The following SULT1B1 variants were observed in gnomAD, a reference collection of about 807,000 sequenced individuals.
SULT1B1 encodes sulfotransferase family 1B member 1.
In SULT1B1, 28 loss-of-function variants were observed where a neutral mutation model predicts 34.6. The observed-to-expected ratio is 0.81, with a 90% CI of 0.60 to 1.11. The LOEUF is 1.11. Among genes scored for constraint, SULT1B1 ranks in the 50% least tolerant of loss-of-function variants. SULT1B1 has a pLI of 0.00. For missense variants in SULT1B1, 374 were observed against 352.2 expected, an observed-to-expected ratio of 1.06 and a Z score of -0.50; for synonymous variants, 147 against 110.2, an observed-to-expected ratio of 1.33 and a Z score of -2.09.
In SULT1B1 at chr4:69,725,981, C is replaced by T. The variant is rs1417539535; in HGVS notation, c.*1107G>A. On this transcript the variant is annotated 3_prime_UTR_variant, in exon 8 of 8. Coordinates refer to ENST00000310613, the MANE Select transcript of SULT1B1 (RefSeq NM_014465.4). ...GCACATGTATGCATATATAACAAAC[C>T]TGCACATTGTGCACATGTAACCTGG... The T allele has an allele frequency of 1.5e-5, 2 of 133,312 alleles. No homozygotes were observed. The highest frequency in any genetic ancestry group is 3.1e-5 in the Non-Finnish European group (2 of 63,672). 8.3% of individuals were successfully genotyped at this position (133,312 alleles called of 1,614,324 possible).
At position 69,726,214 on chromosome 4, in the gene SULT1B1, G is replaced by T. The variant is rs1485735827; in HGVS notation, c.*874C>A. ...GAGAGTCTTCCTTGGGCACCAGATT[G>T]GGAAATATTTTGCAGAGGTTATGAT... On this transcript the variant is annotated 3_prime_UTR_variant, in exon 8 of 8. Transcript: ENST00000310613. 6.6e-6 allele frequency: 1 copy of T among 150,652 alleles called. No individual in the cohort carries two copies. Among genetic ancestry groups the T allele is most frequent in the African/African-American group, 2.4e-5 (1 of 40,986 alleles). The allele number at this position is 150,652 out of a possible 1,614,324, so 9.3% of individuals were successfully genotyped here.
intron 7 of SULT1B1, among the ~76,000 whole-genome samples, chr4:69,728,037 A>G (rs553659875): frequency 3.9e-5 from 6 of 152,158 alleles, no homozygotes; most frequent in African/African-American, 1.4e-4. Flanking sequence ...TCCTATAGAT[A>G]TGCTTTTTTC....
At chr4:69,728,424 G>A (rs1420997925) in intron 7 of SULT1B1, among the ~76,000 whole-genome samples, 1 of 152,002 alleles carries the variant, frequency 6.6e-6, no homozygotes, top group Non-Finnish European at 1.5e-5. Flanking sequence ...AAGATTCAGT[G>A]TGCCTGGCAC....
chr4:69,746,162 G>A (rs753493622), intron 4 of SULT1B1, among the ~76,000 whole-genome samples: 5 of 152,240 alleles, frequency 3.3e-5, no homozygotes, highest in Admixed American at 2.0e-4. Flanking sequence ...TGACCTCGGC[G>A]ATCCTCTTTC....
At chr4:69,757,859 C>A (rs1336053384) in intron 1 of SULT1B1, among the ~76,000 whole-genome samples, 1 of 151,986 alleles carries the variant, frequency 6.6e-6, no homozygotes, top group Non-Finnish European at 1.5e-5. Context: ...AATGGAGTTG[C>A]AGGCCTCAAA....
At chr4:69,754,262 C>T (rs539966318) in intron 3 of SULT1B1, among the ~76,000 whole-genome samples, 42 of 152,174 alleles carry the variant, frequency 2.8e-4, no homozygotes, top group African/African-American at 9.4e-4. Context: ...TAATTCTTTA[C>T]AAGCATTCCA....
At position 69,725,766 on chromosome 4, in the gene SULT1B1, C is replaced by G. The variant is rs1717810683; in HGVS notation, c.*1322G>C. 6.6e-6 allele frequency: 1 copy of G among 151,250 alleles called. No homozygotes were observed. Among genetic ancestry groups the G allele is most frequent in the Admixed American group, 6.6e-5 (1 of 15,132 alleles). The allele number at this position is 151,250 out of a possible 1,614,324, so 9.4% of individuals were successfully genotyped here. A position where few individuals can be genotyped will look rare whatever the true frequency, so the allele number is the denominator to read the frequency against. ...AACCATACTTTTCAGCAAACTATTG[C>G]AAGAACAAAAAAACCAAACACCTCA... On this transcript the variant is annotated 3_prime_UTR_variant, in exon 8 of 8. Transcript: ENST00000310613.
At chr4:69,756,980 G>GACAC (rs371631388) in intron 1 of SULT1B1, among the ~76,000 whole-genome samples, 11 of 116,380 alleles carry the variant, frequency 9.5e-5, no homozygotes, top group Non-Finnish European at 1.4e-4. Context: ...CACACACACA[G>GACAC]ACACACACAC....
intron 3 of SULT1B1, 24 bp downstream of exon 3, chr4:69,754,646 T>G: frequency 1.2e-6 from 2 of 1,606,592 alleles, no homozygotes; most frequent in Non-Finnish European, 1.7e-6. Flanking sequence ...TACAAAATAA[T>G]AATTCCAAGT....
chr4:69,734,655 A>C (rs1718227427), intron 4 of SULT1B1, among the ~76,000 whole-genome samples: 1 of 152,162 alleles, frequency 6.6e-6, no homozygotes, highest in African/African-American at 2.4e-5. Flanking sequence ...GAAAAAAATA[A>C]AAGTTTTCAC....
In SULT1B1 at chr4:69,758,015, T is replaced by C. The variant is rs536523065; in HGVS notation, c.-45+2444A>G. On this transcript the variant is annotated intron_variant, in intron 1 of 7. Transcript: ENST00000310613. ...TTAGGAAAATTATATTCAATATTTA[T>C]CTTCTATATGCTTCTCAGTTATCCT... 1.1e-4 allele frequency among the ~76,000 whole-genome samples: 16 copies of C among 152,334 alleles called. 1 individual carries two copies. The highest frequency in any genetic ancestry group is 4.6e-4 in the Admixed American group (7 of 15,298).
chr4:69,751,049 T>C (rs1278227663), intron 3 of SULT1B1, among the ~76,000 whole-genome samples: 1 of 152,260 alleles, frequency 6.6e-6, no homozygotes, highest in Non-Finnish European at 1.5e-5. Context: ...AATGGTTATT[T>C]ATCTGAATTT....
chr4:69,740,974 G>A lies in SULT1B1; in HGVS notation c.376-6710C>T, dbSNP rs183902341. Among the ~76,000 whole-genome samples, 135 of 152,034 alleles carry A rather than the reference G, an allele frequency of 8.9e-4. 1 individual carries two copies. Among genetic ancestry groups the A allele is most frequent in the African/African-American group, 3.0e-3 (124 of 41,470 alleles). ...TGAAACCTTTTTCAAAGCCTATATC[G>A]AGAATGATATTTTCTAAGTTTTCTT... On this transcript the variant is annotated intron_variant, in intron 4 of 7. Coordinates refer to ENST00000310613, the MANE Select transcript of SULT1B1 (RefSeq NM_014465.4).
chr4:69,727,464 T>C (rs1191954539), intron 7 of SULT1B1, among the ~76,000 whole-genome samples: 15 of 152,040 alleles, frequency 9.9e-5, no homozygotes, highest in African/African-American at 3.6e-4. Flanking sequence ...TTTTCTTGTT[T>C]AAATTCCTGG....
At position 69,733,524 on chromosome 4, in the gene SULT1B1, G is replaced by T; in HGVS notation, c.503-17C>A. On this transcript the variant is annotated splice_polypyrimidine_tract_variant and intron_variant, in intron 5 of 7. Coordinates refer to ENST00000310613, the MANE Select transcript of SULT1B1 (RefSeq NM_014465.4). ...CATAGGCCACTAAAACCAGATAAAA[G>T]TCTATTTTCATAAACATTCATCAAA... The T allele has an allele frequency of 6.5e-7, 1 of 1,530,982 alleles. No homozygotes were observed. Among genetic ancestry groups the T allele is most frequent in the South Asian group, 1.2e-5 (1 of 81,682 alleles). 94.8% of individuals were successfully genotyped at this position (1,530,982 alleles called of 1,614,324 possible). A position where few individuals can be genotyped will look rare whatever the true frequency, so the allele number is the denominator to read the frequency against.
intron 7 of SULT1B1, among the ~76,000 whole-genome samples, chr4:69,728,381 A>G (rs1188442505): frequency 6.6e-6 from 1 of 152,034 alleles, no homozygotes; most frequent in African/African-American, 2.4e-5. Context: ...CCCTCATAAT[A>G]ATAACATTGA....
chr4:69,745,291 T>C (rs1450254483), intron 4 of SULT1B1, among the ~76,000 whole-genome samples: 2 of 152,216 alleles, frequency 1.3e-5, no homozygotes, highest in Non-Finnish European at 2.9e-5. Flanking sequence ...GATCTGACAC[T>C]GTCAGTGTGG....
chr4:69,741,800 C>T (rs182254388), intron 4 of SULT1B1, among the ~76,000 whole-genome samples: 1 of 151,540 alleles, frequency 6.6e-6, no homozygotes, highest in Non-Finnish European at 1.5e-5. Flanking sequence ...GTGGAGTTTT[C>T]TAGCTAAAAA....
At chr4:69,730,772 G>C (rs1718050145) in intron 6 of SULT1B1, 91 bp from the exon 7 acceptor site, 1 of 1,145,250 alleles carries the variant, frequency 8.7e-7, no homozygotes, top group Admixed American at 2.5e-5. Flanking sequence ...TTTAAATGTT[G>C]ACTCTGAATA....
Sources: gnomAD v4.1 joint callset for allele counts (sites outside exome capture counted in the v4.1 genomes callset) on GRCh38, gnomAD v4.1.1 for gene constraint, MANE v1.5 for transcripts, NCBI Gene and HGNC (gene_info 2026-07-23, HGNC 2026-07-21) for gene names.